The following NAV1 variants were observed in gnomAD, a reference collection of about 807,000 sequenced individuals.
The protein encoded by NAV1 is neuron navigator 1, also known as pore membrane and/or filament interacting like protein 3.
In NAV1, 18 loss-of-function variants were observed where a neutral mutation model predicts 175.2. That is an observed-to-expected ratio of 0.10 (90% CI 0.07 to 0.15). The LOEUF is 0.15. Ranked by LOEUF, NAV1 falls within the 10% of genes least tolerant of loss-of-function variation. The pLI is 1.00. For synonymous variants in NAV1, 897 were observed against 978.7 expected (o/e 0.92, Z 1.56); for missense variants, 1,731 against 2,436.6 (o/e 0.71, Z 6.10).
chr1:201,819,421 A>G (rs1344497161), intron 29 of NAV1, among the ~76,000 whole-genome samples: 1 of 151,168 alleles, frequency 6.6e-6, no homozygotes, highest in Non-Finnish European at 1.5e-5. Context: ...GCTCTTCATC[A>G]CTGAGAAACC....
intron 1 of NAV1, among the ~76,000 whole-genome samples, chr1:201,584,743 C>T (rs1365829213): frequency 6.6e-6 from 1 of 152,212 alleles, no homozygotes; most frequent in Non-Finnish European, 1.5e-5. Flanking sequence ...TGGGCCAGTC[C>T]AGATGCTCCA....
intron 3 of NAV1, among the ~76,000 whole-genome samples, chr1:201,729,774 C>T (rs866298360): frequency 6.6e-6 from 1 of 151,974 alleles, no homozygotes; most frequent in Non-Finnish European, 1.5e-5. Flanking sequence ...GGTGTGGTGG[C>T]GGGAGCCTGT....
At chr1:201,629,828 C>T (rs571096854) in intron 2 of NAV1, among the ~76,000 whole-genome samples, 1 of 152,078 alleles carries the variant, frequency 6.6e-6, no homozygotes, top group South Asian at 2.1e-4. Context: ...TGAGTGGTGC[C>T]CAGGTTGAAA....
intron 24 of NAV1, 91 bp from the exon 29 acceptor site, chr1:201,811,512 G>T: frequency 6.7e-7 from 1 of 1,496,770 alleles, no homozygotes; most frequent in Non-Finnish European, 9.2e-7. Flanking sequence ...GGGGAATCTA[G>T]ATCTAGTAAG....
chr1:201,626,650 C>T (rs941082148), intron 1 of NAV1, among the ~76,000 whole-genome samples: 3 of 152,222 alleles, frequency 2.0e-5, no homozygotes, highest in African/African-American at 7.2e-5. Flanking sequence ...TCACCACAGC[C>T]CTTGCTGACT....
chr1:201,603,034 T>A (rs577632991), intron 2 of NAV1, among the ~76,000 whole-genome samples: 8 of 152,252 alleles, frequency 5.3e-5, no homozygotes, highest in African/African-American at 1.7e-4. Flanking sequence ...ACAGTGTCGG[T>A]GTGAGTCACT....
chr1:201,747,544 C>T (rs545088211), intron 3 of NAV1, among the ~76,000 whole-genome samples: 1 of 152,164 alleles, frequency 6.6e-6, no homozygotes, highest in African/African-American at 2.4e-5. Flanking sequence ...GTGGCGAAGA[C>T]AGCAGAGGGT....
chr1:201,614,351 G>C (rs968613529), intron 2 of NAV1, among the ~76,000 whole-genome samples: 1 of 152,186 alleles, frequency 6.6e-6, no homozygotes, highest in Non-Finnish European at 1.5e-5. Flanking sequence ...CACCACGGCC[G>C]CCGCCCAGTG....
chr1:201,653,311 C>G lies in NAV1; in HGVS notation c.757+3886C>G, dbSNP rs563244739. Among the ~76,000 whole-genome samples, 21 of 152,304 alleles carry G rather than the reference C, an allele frequency of 1.4e-4. 1 individual carries two copies. The East Asian group carries it at 3.9e-3, about 28-fold the overall frequency. On this transcript the variant is annotated intron_variant, in intron 1 of 29. Transcript: ENST00000367296. ...GCAAAGTGAGACAGCTAAGACTGCC[C>G]AAGGTCAGGGAGTAAAAGAACCCAG...
At position 201,729,870 on chromosome 1, in the gene NAV1, C is replaced by T. The variant is rs187394262; in HGVS notation, c.1226+11115C>T. Among the ~76,000 whole-genome samples, 28 of 152,136 alleles carry T rather than the reference C, an allele frequency of 1.8e-4. 1 individual carries two copies. Among genetic ancestry groups the T allele is most frequent in the Admixed American group, 1.5e-3 (23 of 15,272 alleles). ...GCAGTGAGCCAAGATCGTGCCACTGCGCTCCAGCCTGGGCGACAGAGCAAA... is the reference window on the plus strand; with the variant it reads ...GCAGTGAGCCAAGATCGTGCCACTGTGCTCCAGCCTGGGCGACAGAGCAAA... On this transcript the variant is annotated intron_variant, in intron 3 of 29. Transcript: ENST00000367296.
chr1:201,646,795 C>T (rs150785589), upstream of NAV1, among the ~76,000 whole-genome samples: 525 of 152,288 alleles, frequency 3.4e-3, 1 homozygote, highest in African/African-American at 0.011. Context: ...GTTGCAACAC[C>T]TGCTCCATGC....
At chr1:201,549,362 C>T (rs1229285785) in intron 1 of NAV1, among the ~76,000 whole-genome samples, 1 of 152,060 alleles carries the variant, frequency 6.6e-6, no homozygotes, top group Non-Finnish European at 1.5e-5. Context: ...GCATGTACCA[C>T]CACGCCTGGC....
intron 1 of NAV1, among the ~76,000 whole-genome samples, chr1:201,663,123 C>T (rs1484780026): frequency 6.6e-6 from 1 of 152,204 alleles, no homozygotes; most frequent in East Asian, 1.9e-4. Context: ...TCCAAGACAT[C>T]AGCCAATTCC....
At chr1:201,617,266 AAC>A (rs1394924495) in intron 2 of NAV1, among the ~76,000 whole-genome samples, 1 of 146,260 alleles carries the variant, frequency 6.8e-6, no homozygotes, top group Non-Finnish European at 1.5e-5. Context: ...CACACACATA[AAC>A]ACACACACAC....
At chr1:201,736,803 T>C (rs771901260) in intron 3 of NAV1, among the ~76,000 whole-genome samples, 1 of 152,152 alleles carries the variant, frequency 6.6e-6, no homozygotes, top group Non-Finnish European at 1.5e-5. Flanking sequence ...CTATGTGAGA[T>C]AGACAGGCCT....
chr1:201,685,076 G>A (rs1274762574), intron 1 of NAV1, among the ~76,000 whole-genome samples: 6 of 39,518 alleles, frequency 1.5e-4, no homozygotes, highest in Non-Finnish European at 2.6e-4. Context: ...TCAGAAATTC[G>A]CACTGGCCAA....
intron 16 of NAV1, 137 bp downstream of exon 20, chr1:201,803,851 C>T: frequency 1.8e-6 from 2 of 1,140,062 alleles, no homozygotes. Context: ...GATGTCCGCT[C>T]AGAGCATGGT....
chr1:201,786,913 G>T (rs567124891), intron 9 of NAV1, among the ~76,000 whole-genome samples: 12 of 152,298 alleles, frequency 7.9e-5, no homozygotes, highest in Admixed American at 4.6e-4. Context: ...ACCACACCCA[G>T]TACTACTAGG....
chr1:201,646,732 G>A (rs2102326604), upstream of NAV1, among the ~76,000 whole-genome samples: 1 of 152,198 alleles, frequency 6.6e-6, no homozygotes, highest in Admixed American at 6.5e-5. Context: ...AGTCATGCAG[G>A]GTACAAACCC....
Sources: gnomAD v4.1 joint callset for allele counts (sites outside exome capture counted in the v4.1 genomes callset) on GRCh38, gnomAD v4.1.1 for gene constraint, MANE v1.5 for transcripts, NCBI Gene and HGNC (gene_info 2026-07-23, HGNC 2026-07-21) for gene names.